The following CDK14 variants were observed in gnomAD, a reference collection of about 807,000 sequenced individuals.
CDK14 encodes cyclin dependent kinase 14.
Under a neutral mutation model 60.7 loss-of-function variants are expected in CDK14, and 34 were observed. That is an observed-to-expected ratio of 0.56 (90% confidence interval 0.43 to 0.75). The LOEUF is 0.75. Among genes scored for constraint, CDK14 ranks in the 30% least tolerant of loss-of-function variants. The pLI is 0.00. For missense variants in CDK14, 482 were observed against 564.1 expected (o/e 0.85, Z 1.47); for synonymous variants, 197 against 203.7 (o/e 0.97, Z 0.28).
chr7:90,712,056 A>G (rs904508466), intron 2 of CDK14, among the ~76,000 whole-genome samples: 3 of 149,414 alleles, frequency 2.0e-5, no homozygotes, highest in Non-Finnish European at 4.5e-5. Context: ...TCAAAGAGAA[A>G]ATATGTGGCA....
chr7:90,715,719 CTAAT>C (rs1221877147), intron 2 of CDK14, among the ~76,000 whole-genome samples: 3 of 135,168 alleles, frequency 2.2e-5, no homozygotes, highest in Non-Finnish European at 4.6e-5. Context: ...GATGAAGAAA[CTAAT>C]TAGCCATGCA....
intron 5 of CDK14, among the ~76,000 whole-genome samples, chr7:90,807,523 G>A (rs1788903976): frequency 6.6e-6 from 1 of 152,126 alleles, no homozygotes; most frequent in African/African-American, 2.4e-5. Context: ...GGAAAAAACA[G>A]AGCAGAAAAA....
At chr7:91,164,275 ATTT>A (rs1801271840) in intron 14 of CDK14, among the ~76,000 whole-genome samples, 1 of 152,172 alleles carries the variant, frequency 6.6e-6, no homozygotes, top group Non-Finnish European at 1.5e-5. Flanking sequence ...GGAAGTCTTA[ATTT>A]TGTTGAGTGG....
chr7:91,157,650 A>G (rs999392620), intron 14 of CDK14, among the ~76,000 whole-genome samples: 8 of 152,174 alleles, frequency 5.3e-5, no homozygotes, highest in Admixed American at 5.2e-4. Context: ...TTTCCCATCT[A>G]GAGAGTGACG....
At chr7:91,058,382 A>G (rs942136748) in intron 11 of CDK14, among the ~76,000 whole-genome samples, 1 of 152,064 alleles carries the variant, frequency 6.6e-6, no homozygotes, top group Admixed American at 6.6e-5. Context: ...TCTTTTCCTA[A>G]TTGAATACCC....
intron 12 of CDK14, among the ~76,000 whole-genome samples, chr7:91,110,142 G>A (rs1008536267): frequency 4.6e-5 from 7 of 151,926 alleles, no homozygotes; most frequent in Non-Finnish European, 7.4e-5. Flanking sequence ...TAGGTAGACC[G>A]AAAAAAGAGG....
At chr7:90,636,376 C>A (rs1287291004) in intron 2 of CDK14, among the ~76,000 whole-genome samples, 2 of 152,182 alleles carry the variant, frequency 1.3e-5, no homozygotes, top group Non-Finnish European at 2.9e-5. Context: ...GCCTTTTCGG[C>A]ATCTATTGAG....
intron 5 of CDK14, among the ~76,000 whole-genome samples, chr7:90,838,704 C>T (rs1423782734): frequency 6.6e-6 from 1 of 152,102 alleles, no homozygotes; most frequent in Non-Finnish European, 1.5e-5. Flanking sequence ...CCTGCAGTGC[C>T]CTCAGGCTTA....
intron 2 of CDK14, among the ~76,000 whole-genome samples, chr7:90,675,093 A>G (rs1047553055): frequency 1.8e-4 from 28 of 152,334 alleles, no homozygotes; most frequent in African/African-American, 6.7e-4. Context: ...GGATCTCATT[A>G]GTGCTGAGAT....
At chr7:90,913,329 C>T (rs1158553762) in intron 7 of CDK14, among the ~76,000 whole-genome samples, 1 of 152,182 alleles carries the variant, frequency 6.6e-6, no homozygotes, top group African/African-American at 2.4e-5. Flanking sequence ...CTTCCCACCC[C>T]TATCTGCCAG....
intron 2 of CDK14, among the ~76,000 whole-genome samples, chr7:90,613,355 G>T (rs1799583034): frequency 6.6e-6 from 1 of 152,152 alleles, no homozygotes; most frequent in Non-Finnish European, 1.5e-5. Flanking sequence ...TGCTGTAAGG[G>T]TGGTTAGTGT....
At chr7:90,790,144 C>A (rs1805770354) in intron 4 of CDK14, among the ~76,000 whole-genome samples, 1 of 147,110 alleles carries the variant, frequency 6.8e-6, no homozygotes, top group Non-Finnish European at 1.5e-5. Flanking sequence ...AAGTTTCTGT[C>A]CTTGGGAATT....
chr7:90,952,375 G>A (rs1315267928), intron 8 of CDK14, among the ~76,000 whole-genome samples: 1 of 152,084 alleles, frequency 6.6e-6, no homozygotes, highest in African/African-American at 2.4e-5. Flanking sequence ...TTGGATAAGA[G>A]GTTAGCTATA....
chr7:90,904,946 C>G (rs1792645558), intron 7 of CDK14, among the ~76,000 whole-genome samples: 1 of 152,150 alleles, frequency 6.6e-6, no homozygotes, highest in African/African-American at 2.4e-5. Context: ...GCCTAGAATT[C>G]TGTGCAAACT....
At chr7:90,768,129 G>A (rs547448405) in intron 4 of CDK14, among the ~76,000 whole-genome samples, 2 of 152,172 alleles carry the variant, frequency 1.3e-5, no homozygotes, top group Non-Finnish European at 2.9e-5. Flanking sequence ...TTGACCCTCT[G>A]TTAAAAAAGG....
chr7:90,740,229 A>G (rs1285953928), intron 3 of CDK14, among the ~76,000 whole-genome samples: 1 of 148,370 alleles, frequency 6.7e-6, no homozygotes, highest in Non-Finnish European at 1.5e-5. Flanking sequence ...ACATATACAT[A>G]TATATGTGTA....
intron 8 of CDK14, among the ~76,000 whole-genome samples, chr7:90,950,411 G>A (rs1794221936): frequency 2.0e-5 from 3 of 152,146 alleles, no homozygotes; most frequent in African/African-American, 7.2e-5. Context: ...ATCATTTATT[G>A]TCTATATTTT....
At chr7:90,671,549 T>C (rs1801098706) in intron 2 of CDK14, among the ~76,000 whole-genome samples, 1 of 152,192 alleles carries the variant, frequency 6.6e-6, no homozygotes, top group African/African-American at 2.4e-5. Flanking sequence ...GAAATCTGTG[T>C]GGCAGTCGAG....
At position 90,680,996 on chromosome 7, in the gene CDK14, C is replaced by A. The variant is rs193047756; in HGVS notation, c.124-45571C>A. Among the ~76,000 whole-genome samples, 32 of 152,202 alleles carry A rather than the reference C, an allele frequency of 2.1e-4. 1 individual carries two copies. Among genetic ancestry groups the A allele is most frequent in the African/African-American group, 7.5e-4 (31 of 41,514 alleles). ...TTTTTTAATGGATTCTGTAAAGAGA[C>A]AGATAGTACATTGTGGAGTTTATAT... On this transcript the variant is annotated intron_variant, in intron 2 of 14. Coordinates refer to ENST00000380050, the MANE Select transcript of CDK14 (RefSeq NM_001287135.2).
Sources: gnomAD v4.1 joint callset for allele counts (sites outside exome capture counted in the v4.1 genomes callset) on GRCh38, gnomAD v4.1.1 for gene constraint, MANE v1.5 for transcripts, NCBI Gene and HGNC (gene_info 2026-07-23, HGNC 2026-07-21) for gene names.